Variants in SYT1 observed in about 807,000 individuals in gnomAD.
SYT1 encodes the protein synaptotagmin-1.
Under a neutral mutation model 44.8 loss-of-function variants are expected in SYT1, and 8 were observed. The ratio of observed to expected loss-of-function variants is 0.18; its 90% CI spans 0.10 to 0.32. The LOEUF (loss-of-function observed/expected upper bound fraction) is 0.32, where lower values mean the gene tolerates loss of function less well. SYT1 is among the 10% of genes least tolerant of loss of function. The pLI is 1.00. For synonymous variants in SYT1, 154 were observed against 188.8 expected, an observed-to-expected ratio of 0.82 and a Z score of 1.51; for missense variants, 286 against 509.3, an observed-to-expected ratio of 0.56 and a Z score of 4.22.
chr12:78,889,494 A>G (rs995203890), intron 1 of SYT1, among the ~76,000 whole-genome samples: 1 of 151,958 alleles, frequency 6.6e-6, no homozygotes, highest in African/African-American at 2.4e-5. Flanking sequence ...CTTAATAATC[A>G]TTTTGGAGAG....
intron 3 of SYT1, among the ~76,000 whole-genome samples, chr12:79,196,386 T>C (rs1180224987): frequency 2.0e-5 from 3 of 152,106 alleles, no homozygotes; most frequent in African/African-American, 7.2e-5. Flanking sequence ...CAGGATGGTC[T>C]CGATTTCTTG....
At chr12:79,209,587 G>T (rs1874320953) in intron 3 of SYT1, among the ~76,000 whole-genome samples, 1 of 152,200 alleles carries the variant, frequency 6.6e-6, no homozygotes, top group Non-Finnish European at 1.5e-5. Flanking sequence ...TGGGTAAGGG[G>T]GTTTAACCTT....
At chr12:79,284,393 C>T (rs573135518) in intron 4 of SYT1, among the ~76,000 whole-genome samples, 36 of 152,190 alleles carry the variant, frequency 2.4e-4, no homozygotes, top group Middle Eastern at 3.4e-3. Context: ...AAAAATCATC[C>T]GTCCTCCTCT....
At chr12:79,011,124 G>T (rs539939562) in intron 2 of SYT1, among the ~76,000 whole-genome samples, 1 of 152,120 alleles carries the variant, frequency 6.6e-6, no homozygotes, top group African/African-American at 2.4e-5. Context: ...AACTTTACTC[G>T]AAATAATATA....
At chr12:79,351,545 A>G (rs1014641661) in intron 8 of SYT1, among the ~76,000 whole-genome samples, 1 of 152,064 alleles carries the variant, frequency 6.6e-6, no homozygotes, top group Non-Finnish European at 1.5e-5. Context: ...CGAAAAAAAA[A>G]AAAAGAGCCC....
chr12:79,109,708 C>A (rs1448206301), intron 3 of SYT1, among the ~76,000 whole-genome samples: 1 of 152,174 alleles, frequency 6.6e-6, no homozygotes, highest in Non-Finnish European at 1.5e-5. Flanking sequence ...TTGCCCCAAA[C>A]TTTAAAAATT....
intron 4 of SYT1, among the ~76,000 whole-genome samples, chr12:79,252,856 A>C (rs775178680): frequency 1.3e-4 from 20 of 152,176 alleles, no homozygotes; most frequent in Non-Finnish European, 2.6e-4. Flanking sequence ...CAAGTAATGG[A>C]GAAGGAAGTT....
intron 3 of SYT1, among the ~76,000 whole-genome samples, chr12:79,065,418 G>A (rs1336898599): frequency 6.6e-6 from 1 of 152,040 alleles, no homozygotes; most frequent in African/African-American, 2.4e-5. Flanking sequence ...GGGAGGGGAG[G>A]AGAGGGGCAC....
At position 79,075,805 on chromosome 12, in the gene SYT1, T is replaced by G. The variant is rs534548879; in HGVS notation, c.-18+28443T>G. On this transcript the variant is annotated intron_variant, in intron 3 of 10. Coordinates refer to ENST00000261205, the MANE Select transcript of SYT1 (RefSeq NM_005639.3). ...ATTTTGCCCTCTCAGGATTTCTATC[T>G]TCATAGTCATACACAGATTTTTTTG... Among the ~76,000 whole-genome samples, 9 of 152,216 alleles carry G rather than the reference T, an allele frequency of 5.9e-5. No individual in the cohort carries two copies. In the East Asian group the frequency reaches 1.5e-3, roughly 26 times the overall value.
At chr12:78,910,031 C>T (rs1876227882) in intron 1 of SYT1, among the ~76,000 whole-genome samples, 2 of 151,966 alleles carry the variant, frequency 1.3e-5, no homozygotes, top group Admixed American at 6.6e-5. Flanking sequence ...TATCAGCCCC[C>T]AACCCTGTTG....
At chr12:79,349,920 G>A (rs1159491678) in intron 8 of SYT1, among the ~76,000 whole-genome samples, 2 of 152,122 alleles carry the variant, frequency 1.3e-5, no homozygotes, top group Non-Finnish European at 2.9e-5. Flanking sequence ...ATTCTTCTAT[G>A]TTGATGGACA....
chr12:79,265,219 T>TA (rs1878058866), intron 4 of SYT1, among the ~76,000 whole-genome samples: 1 of 152,168 alleles, frequency 6.6e-6, no homozygotes, highest in African/African-American at 2.4e-5. Context: ...ACAGGGTTTT[T>TA]ATGCTTATCT....
intron 1 of SYT1, among the ~76,000 whole-genome samples, chr12:78,977,215 A>G (rs1024901964): frequency 2.6e-5 from 4 of 152,198 alleles, no homozygotes; most frequent in African/African-American, 7.2e-5. Context: ...CAGATGCTTT[A>G]GTATGTGCAG....
intron 4 of SYT1, among the ~76,000 whole-genome samples, chr12:79,228,321 C>A (rs1342343259): frequency 5.9e-5 from 9 of 152,146 alleles, no homozygotes; most frequent in Non-Finnish European, 1.3e-4. Flanking sequence ...ATTACCAACT[C>A]AATTCCTTTC....
chr12:79,183,711 T>C (rs954943350), intron 3 of SYT1, among the ~76,000 whole-genome samples: 6 of 152,062 alleles, frequency 3.9e-5, no homozygotes, highest in African/African-American at 7.2e-5. Flanking sequence ...TTTTGTTCCA[T>C]GGGTAAACAG....
chr12:79,064,298 A>G (rs1875603673), intron 3 of SYT1, among the ~76,000 whole-genome samples: 1 of 152,310 alleles, frequency 6.6e-6, no homozygotes, highest in East Asian at 1.9e-4. Flanking sequence ...CCAAGATGTG[A>G]ATAAGAGTGT....
At chr12:78,962,308 A>G (rs902463258) in intron 1 of SYT1, among the ~76,000 whole-genome samples, 1 of 151,362 alleles carries the variant, frequency 6.6e-6, no homozygotes, top group Non-Finnish European at 1.5e-5. Flanking sequence ...CTTGGTACGC[A>G]GTAATCATTC....
At chr12:79,425,169 C>G (rs1450773292) in intron 9 of SYT1, among the ~76,000 whole-genome samples, 1 of 151,938 alleles carries the variant, frequency 6.6e-6, no homozygotes, top group Non-Finnish European at 1.5e-5. Context: ...TTCAGGCACA[C>G]TCCTTTTTCT....
intron 1 of SYT1, among the ~76,000 whole-genome samples, chr12:78,908,718 T>C (rs1399796840): frequency 6.6e-6 from 1 of 151,942 alleles, no homozygotes; most frequent in Non-Finnish European, 1.5e-5. Context: ...CTTAATAGAA[T>C]ATTGCAGTGG....
Sources: gnomAD v4.1 joint callset for allele counts (sites outside exome capture counted in the v4.1 genomes callset) on GRCh38, gnomAD v4.1.1 for gene constraint, MANE v1.5 for transcripts, NCBI Gene and HGNC (gene_info 2026-07-23, HGNC 2026-07-21) for gene names.